Variants in SRSF4 observed in about 807,000 individuals in gnomAD.
The protein encoded by SRSF4 is serine and arginine rich splicing factor 4.
SRSF4 carries 12 observed loss-of-function variants against 48.8 expected under a neutral mutation model. The ratio of observed to expected loss-of-function variants is 0.25; its 90% CI spans 0.16 to 0.40. The LOEUF (loss-of-function observed/expected upper bound fraction) is 0.40. Among genes scored for constraint, SRSF4 ranks in the 10% least tolerant of loss-of-function variants. The pLI is 1.00. For missense variants in SRSF4, 466 were observed against 667.1 expected (o/e 0.70, Z 3.32); for synonymous variants, 248 against 232.5 (o/e 1.07, Z -0.61).
At chr1:29,149,687 G>GAAAAAAAAAAAAAAAAAAAAAAAAAAAAA (rs539756933) in intron 5 of SRSF4, among the ~76,000 whole-genome samples, 2 of 92,528 alleles carry the variant, frequency 2.2e-5, no homozygotes. Flanking sequence ...TCTTGAGGGG[G>GAAAAAAAAAAAAAAAAAAAAAAAAAAAAA]GAAAAAAAAA....
At position 29,157,813 on chromosome 1, in the gene SRSF4, G is replaced by A. The variant is rs551057109; in HGVS notation, c.363+1561C>T. 2.6e-5 allele frequency among the ~76,000 whole-genome samples: 4 copies of A among 152,240 alleles called. No individual in the cohort carries two copies. In the South Asian group the frequency reaches 8.3e-4, roughly 32 times the overall value. ...AAACCTGTTTCATGCATCCTCCTAA[G>A]ACCATTCAGATTATGATACTGCTCA... On this transcript the variant is annotated intron_variant, in intron 3 of 5. Transcript: ENST00000373795.
At chr1:29,173,974 A>G (rs1411126943) in intron 1 of SRSF4, among the ~76,000 whole-genome samples, 1 of 151,712 alleles carries the variant, frequency 6.6e-6, no homozygotes, top group Non-Finnish European at 1.5e-5. Flanking sequence ...GGATCACCTG[A>G]GGTCAGGAGT....
At chr1:29,152,404 A>C (rs1472675444) in intron 4 of SRSF4, among the ~76,000 whole-genome samples, 1 of 152,162 alleles carries the variant, frequency 6.6e-6, no homozygotes, top group Non-Finnish European at 1.5e-5. Context: ...AATTTTCCAT[A>C]ATAAAAAGTC....
At chr1:29,159,904 C>A in intron 2 of SRSF4, 1 of 175,226 alleles carries the variant, frequency 5.7e-6, no homozygotes, top group Non-Finnish European at 1.2e-5. Flanking sequence ...CCCTTGGGAT[C>A]CTCACCACCC....
chr1:29,154,438 G>A (rs182665776), intron 4 of SRSF4: 24 of 424,360 alleles, frequency 5.7e-5, no homozygotes, highest in African/African-American at 4.2e-4. Flanking sequence ...CTTGTGATGC[G>A]CCCACCTTGG....
At chr1:29,160,143 ACAT>A (rs1283524666) in intron 2 of SRSF4, 2 of 449,244 alleles carry the variant, frequency 4.5e-6, no homozygotes, top group Non-Finnish European at 7.6e-6. Context: ...ACACAAACAC[ACAT>A]CATTAAACAT....
rs2230677 is a variant in SRSF4 at position 29,148,882 on chromosome 1, C to A, written c.1013G>T (p.Gly338Val). The A allele has an allele frequency of 5.5e-5, 88 of 1,611,782 alleles. 3 individuals are homozygous for A. In the Middle Eastern group the frequency reaches 0.012, roughly 212 times the overall value. The change falls in exon 6 of 6, where the codon GGG (glycine) becomes GTG (valine). Residue 338 changes from glycine (G) to valine (V), a missense_variant. Transcript: ENST00000373795. ...RQSRSRSRSKGGSRSRSRSRS... is the reference protein window; with the variant it reads ...RQSRSRSRSKVGSRSRSRSRS... ...GCTCCTGCTCCGGCTCCTGCTGCCC[C>A]CTTTGCTCCTGCTCCGGCTCCGACT...
At position 29,148,907 on chromosome 1, in the gene SRSF4, T is replaced by G; in HGVS notation, c.988A>C (p.Ser330Arg). 6.2e-7 allele frequency: 1 copy of G among 1,611,688 alleles called. No individual in the cohort carries two copies. The highest frequency in any genetic ancestry group is 8.5e-7 in the Non-Finnish European group (1 of 1,178,308). ...GRSQEKSLRQ[S>R]RSRSRSKGGS... ...CCTTTGCTCCTGCTCCGGCTCCGACTCTGGCGGAGGCTCTTCTCCTGGCTC... is the reference window on the plus strand; with the variant it reads ...CCTTTGCTCCTGCTCCGGCTCCGACGCTGGCGGAGGCTCTTCTCCTGGCTC... The change falls in exon 6 of 6, where the codon AGT becomes CGT. Residue 330 changes from serine to arginine, a missense_variant. Ser to Arg is a moderately radical substitution (Grantham distance 110). This residue lies in a region of SRSF4 where 402 missense variants were observed against 437.0 expected (regional missense o/e 0.92). Transcript: ENST00000373795.
intron 1 of SRSF4, among the ~76,000 whole-genome samples, chr1:29,162,080 C>A (rs933611642): frequency 1.2e-4 from 19 of 152,210 alleles, no homozygotes; most frequent in Middle Eastern, 3.4e-3. Context: ...GTCTGAGTGG[C>A]ACTGAATGTC....
chr1:29,180,297 C>A (rs1334231800), intron 1 of SRSF4, among the ~76,000 whole-genome samples: 1 of 152,042 alleles, frequency 6.6e-6, no homozygotes, highest in Non-Finnish European at 1.5e-5. Flanking sequence ...TATACAATAA[C>A]GTCTACCCGC....
chr1:29,160,054 G>T (rs573118086), intron 2 of SRSF4: 144 of 224,190 alleles, frequency 6.4e-4, no homozygotes, highest in Middle Eastern at 3.5e-3. Flanking sequence ...TAGCCTCAAA[G>T]GATTCTTTTA....
At chr1:29,156,755 C>T (rs1249158844) in intron 3 of SRSF4, among the ~76,000 whole-genome samples, 2 of 152,124 alleles carry the variant, frequency 1.3e-5, no homozygotes, top group Non-Finnish European at 1.5e-5. Flanking sequence ...CTCAACACCA[C>T]CCGTAGGGTA....
intron 4 of SRSF4, among the ~76,000 whole-genome samples, chr1:29,151,070 C>T (rs1433473034): frequency 1.3e-5 from 2 of 152,150 alleles, no homozygotes; most frequent in Non-Finnish European, 2.9e-5. Flanking sequence ...ACCAGGACTC[C>T]TTGGGAAAAT....
chr1:29,173,057 T>C (rs1672770109), intron 1 of SRSF4: 2 of 152,094 alleles, frequency 1.3e-5, no homozygotes, highest in African/African-American at 2.4e-5. Context: ...AATGATACTT[T>C]TCACTTTATG....
Position 29,149,223 on chromosome 1 carries a change from C to T in SRSF4, c.672G>A (p.Ser224=), listed in dbSNP as rs778748442. Residue 224 remains serine, a synonymous_variant, in exon 6 of 6, where the codon TCG becomes TCA. Transcript: ENST00000373795. Reference sequence around the variant, plus strand: ...GGCTCTTGCTCCGGGAGCGGGAGCCCGACCTGAGGAGACATGGGATACTGT... The same window carrying T: ...GGCTCTTGCTCCGGGAGCGGGAGCCTGACCTGAGGAGACATGGGATACTGT... ...SHSKSRSRSR[S]GSRSRSKSRS... is the part of the protein sequence containing the mutation. 1.0e-5 allele frequency: 16 copies of T among 1,606,240 alleles called. No homozygotes were observed. Among genetic ancestry groups the T allele is most frequent in the African/African-American group, 1.3e-5 (1 of 74,858 alleles).
At chr1:29,159,939 T>C (rs1341212547) in intron 2 of SRSF4, 1 of 174,050 alleles carries the variant, frequency 5.7e-6, no homozygotes, top group African/African-American at 2.4e-5. Context: ...AAGGTTGCGG[T>C]CGTCACATGG....
intron 1 of SRSF4, among the ~76,000 whole-genome samples, chr1:29,178,130 C>T (rs1355295134): frequency 6.6e-6 from 1 of 151,960 alleles, no homozygotes; most frequent in South Asian, 2.1e-4. Flanking sequence ...AAACCCCTGA[C>T]TTCAAGTGAT....
At chr1:29,159,304 C>G in intron 3 of SRSF4, 70 bp downstream of exon 3, 1 of 1,062,962 alleles carries the variant, frequency 9.4e-7, no homozygotes, top group South Asian at 1.3e-5. Flanking sequence ...CCTGGGCCTG[C>G]ACAAATCTAC....
At chr1:29,166,148 C>T (rs1479674289) in intron 1 of SRSF4, 1 of 152,140 alleles carries the variant, frequency 6.6e-6, no homozygotes, top group Non-Finnish European at 1.5e-5. Flanking sequence ...TAGCACTGTA[C>T]TTTAAGGGGA....
Sources: gnomAD v4.1 joint callset for allele counts (sites outside exome capture counted in the v4.1 genomes callset) on GRCh38, gnomAD v4.1.1 for gene constraint, gnomAD v4.1.1 regional missense constraint, MANE v1.5 for transcripts, NCBI Gene and HGNC (gene_info 2026-07-23, HGNC 2026-07-21) for gene names.